TCF20: variants seen among roughly 807,000 people sequenced by gnomAD.
TCF20 encodes transcription factor 20.
TCF20 carries 3 observed loss-of-function variants against 148.6 expected under a neutral mutation model. The observed-to-expected ratio is 0.02, with a 90% confidence interval of 0.01 to 0.05. The LOEUF is 0.05. Ranked by LOEUF, TCF20 falls within the 10% of genes least tolerant of loss-of-function variation. The pLI is 1.00. For missense variants in TCF20, 2,350 were observed against 2,429.3 expected (o/e 0.97, Z 0.69); for synonymous variants, 1,049 against 909.5 (o/e 1.15, Z -2.76).
intron 3 of TCF20, among the ~76,000 whole-genome samples, chr22:42,175,434 G>A (rs372134180): frequency 1.3e-4 from 19 of 151,932 alleles, no homozygotes; most frequent in Middle Eastern, 3.4e-3. Flanking sequence ...TCCACCTCCC[G>A]GGTTCAAGCG....
At chr22:42,324,601 G>A (rs575666931) in intron 1 of TCF20, among the ~76,000 whole-genome samples, 2 of 150,186 alleles carry the variant, frequency 1.3e-5, no homozygotes, top group South Asian at 2.1e-4. Flanking sequence ...TCCACCATCC[G>A]AGAAGATAAT....
intron 1 of TCF20, among the ~76,000 whole-genome samples, chr22:42,242,503 A>G (rs934702436): frequency 6.6e-6 from 1 of 152,130 alleles, no homozygotes; most frequent in African/African-American, 2.4e-5. Flanking sequence ...GGGTTATCAT[A>G]GGGTATACTA....
At chr22:42,206,282 G>A (rs951719987) in intron 2 of TCF20, among the ~76,000 whole-genome samples, 12 of 152,130 alleles carry the variant, frequency 7.9e-5, no homozygotes, top group East Asian at 3.8e-4. Flanking sequence ...CAGGCTGGGC[G>A]CAGTGACCCA....
At position 42,214,233 on chromosome 22, in the gene TCF20, A is replaced by G. The variant is rs1921415702; in HGVS notation, c.1073T>C (p.Met358Thr). The change falls in exon 2 of 6, where the codon ATG becomes ACG. Residue 358 changes from methionine (M) to threonine (T), a missense_variant. Physicochemically the swap from Met to Thr is moderately conservative, Grantham distance 81 (BLOSUM62 -1). Around this residue, in one of 7 missense-constraint regions of TCF20, gnomAD observed 1,641 missense variants for 1,662.6 expected, o/e 0.99. Coordinates refer to ENST00000677622, the MANE Select transcript of TCF20 (RefSeq NM_001378418.1). ...GGGGCTGAAGTTCTGGTGAAACTGC[A>G]TGGGGGACCTCACAGGAACCTCAGG... is the stretch of plus-strand genomic sequence containing the variant. ...NQPEVPVRSP[M>T]QFHQNFSPIS... 3.1e-6 allele frequency: 5 copies of G among 1,614,204 alleles called. No individual in the cohort carries two copies. The highest frequency in any genetic ancestry group is 3.4e-6 in the Non-Finnish European group (4 of 1,180,028).
chr22:42,233,325 A>G (rs969226365), intron 1 of TCF20, among the ~76,000 whole-genome samples: 4 of 152,240 alleles, frequency 2.6e-5, no homozygotes, highest in African/African-American at 9.6e-5. Flanking sequence ...AGTAACTCTC[A>G]TAAGGTTATA....
At chr22:42,170,763 G>A (rs1936088521) in intron 3 of TCF20, among the ~76,000 whole-genome samples, 1 of 150,844 alleles carries the variant, frequency 6.6e-6, no homozygotes. Context: ...ACCAATAAAT[G>A]CTATTTTAAA....
intron 2 of TCF20, among the ~76,000 whole-genome samples, chr22:42,201,202 G>A (rs1398543118): frequency 6.6e-6 from 1 of 152,194 alleles, no homozygotes; most frequent in African/African-American, 2.4e-5. Flanking sequence ...CTGAGCAGAT[G>A]CAGGCATCAT....
chr22:42,288,526 C>T (rs1272730432), upstream of TCF20, among the ~76,000 whole-genome samples: 2 of 133,082 alleles, frequency 1.5e-5, no homozygotes, highest in Admixed American at 8.1e-5. Context: ...TAGAGCAAGA[C>T]TCCATCTCAG....
intron 1 of TCF20, among the ~76,000 whole-genome samples, chr22:42,218,614 C>T (rs898706861): frequency 6.6e-6 from 1 of 152,136 alleles, no homozygotes. Flanking sequence ...AGCTATGTTA[C>T]ATGTTGTTTA....
intron 2 of TCF20, among the ~76,000 whole-genome samples, chr22:42,188,472 T>C (rs943224092): frequency 1.3e-5 from 2 of 152,156 alleles, no homozygotes; most frequent in Non-Finnish European, 2.9e-5. Flanking sequence ...AGAAGGCAGT[T>C]TGACTTCCTA....
intron 1 of TCF20, among the ~76,000 whole-genome samples, chr22:42,336,946 T>C (rs1165049449): frequency 6.6e-6 from 1 of 152,188 alleles, no homozygotes; most frequent in African/African-American, 2.4e-5. Context: ...TAGCCACGTA[T>C]CTTCTTCCTT....
chr22:42,221,202 C>T (rs1178662082), intron 1 of TCF20, among the ~76,000 whole-genome samples: 1 of 152,190 alleles, frequency 6.6e-6, no homozygotes, highest in Non-Finnish European at 1.5e-5. Context: ...AGATGCAGCA[C>T]ACGTGGATTC....
rs765119165 is a variant in TCF20, at chr22:42,210,162, C to T, written c.5144G>A (p.Arg1715Gln). The T allele has an allele frequency of 4.3e-6, 7 of 1,614,044 alleles. No individual in the cohort carries two copies. Among genetic ancestry groups the T allele is most frequent in the Admixed American group, 3.3e-5 (2 of 59,998 alleles). Residue 1715 changes from arginine (R) to glutamine (Q), a missense_variant, in exon 2 of 6, where the codon CGG (arginine) becomes CAG (glutamine). Arg to Gln is a conservative substitution (Grantham distance 43). Around this residue, in one of 7 missense-constraint regions of TCF20, gnomAD observed 374 missense variants for 398.3 expected, o/e 0.94. Transcript: ENST00000677622. This position sits in a 1 kb window ranked among gnomAD's most constrained non-coding sequence, Gnocchi z 4.7. ...AGGTCCAAAGAGGTCACCCATGTTC[C>T]GGTAACTGGCCCACTTGCCACACAG... ...CCLCGKWASY[R>Q]NMGDLFGPFY...
chr22:42,186,952 A>G (rs1258949799), intron 2 of TCF20, among the ~76,000 whole-genome samples: 1 of 152,206 alleles, frequency 6.6e-6, no homozygotes, highest in African/African-American at 2.4e-5. Context: ...TAGAATGAGA[A>G]AAACCGCCTC....
rs1415962209 is a variant in TCF20, at chr22:42,160,177, CTTT to C, written c.*1223_*1225del. 1 of 152,380 alleles carries C rather than the reference CTTT, an allele frequency of 6.6e-6. No individual in the cohort carries two copies. Among genetic ancestry groups the C allele is most frequent in the African/African-American group, 2.4e-5 (1 of 41,350 alleles). 9.4% of individuals were successfully genotyped at this position (152,380 alleles called of 1,614,324 possible). ...AAGGCCATAACAAGATTTTTTTGTA[CTTT>C]TTTCTTTTTTTAAAACTCAGATATT... On this transcript the variant is annotated 3_prime_UTR_variant, in exon 6 of 6. Transcript: ENST00000677622.
intron 1 of TCF20, among the ~76,000 whole-genome samples, chr22:42,268,877 T>A (rs56111723): frequency 0.2 from 30,445 of 152,196 alleles, 3,261 homozygotes; most frequent in East Asian, 0.34. Flanking sequence ...GCTGGAAGCT[T>A]AAAGACAGGC....
upstream of TCF20, among the ~76,000 whole-genome samples, chr22:42,288,715 CAAAAAAAAA>C (rs60058670): frequency 7.0e-5 from 6 of 85,302 alleles, no homozygotes; most frequent in East Asian, 3.4e-4. Context: ...GACCCTGTAT[CAAAAAAAAA>C]AAAAAAAAAA....
chr22:42,343,000 G>C (rs1928194713), intron 1 of TCF20, among the ~76,000 whole-genome samples: 1 of 152,204 alleles, frequency 6.6e-6, no homozygotes, highest in Non-Finnish European at 1.5e-5. Flanking sequence ...AAAGAGCAAG[G>C]CTGAAATAAA....
At position 42,217,209 on chromosome 22, in the gene TCF20, T is replaced by C. The variant is rs191404099; in HGVS notation, c.-36-1868A>G. Among the ~76,000 whole-genome samples, 3 of 152,266 alleles carry C rather than the reference T, an allele frequency of 2.0e-5. No homozygotes were observed. In the East Asian group the frequency reaches 5.8e-4, roughly 29 times the overall value. On this transcript the variant is annotated intron_variant, in intron 1 of 5. Coordinates refer to ENST00000677622, the MANE Select transcript of TCF20 (RefSeq NM_001378418.1). ...CCTTGACCTCTCTGAGCTCCTCCCC[T>C]ATCACTCTCTGCTCTAGCCCCACAG...
Sources: gnomAD v4.1 joint callset for allele counts (sites outside exome capture counted in the v4.1 genomes callset) on GRCh38, gnomAD v4.1.1 for gene constraint, gnomAD v4.1.1 regional missense constraint, Gnocchi (gnomAD v3.1) non-coding constraint, MANE v1.5 for transcripts, NCBI Gene and HGNC (gene_info 2026-07-23, HGNC 2026-07-21) for gene names.